The following PDE9A variants were observed in gnomAD, a reference collection of about 807,000 sequenced individuals.
PDE9A encodes the protein phosphodiesterase 9A, also known as high affinity cGMP-specific 3',5'-cyclic phosphodiesterase 9A.
In PDE9A, 60 loss-of-function variants were observed where a neutral mutation model predicts 87.4. The observed-to-expected ratio is 0.69, with a 90% CI of 0.56 to 0.85. The LOEUF is 0.85. Among genes scored for constraint, PDE9A ranks in the 40% least tolerant of loss-of-function variants. PDE9A has a pLI of 0.00. For missense variants in PDE9A, 665 were observed against 779.0 expected (o/e 0.85, Z 1.74); for synonymous variants, 272 against 279.4 (o/e 0.97, Z 0.27).
At position 42,702,734 on chromosome 21, in the gene PDE9A, T is replaced by G. The variant is rs1445747419; in HGVS notation, c.262+3723T>G. Reference sequence around the variant, plus strand: ...CTCAGTCCTACTAAGACTTGATCCCTTTGGGGTCTCCCCCAAACTCCTGGC... The same window carrying G: ...CTCAGTCCTACTAAGACTTGATCCCGTTGGGGTCTCCCCCAAACTCCTGGC... On this transcript the variant is annotated intron_variant, in intron 4 of 19. Coordinates refer to ENST00000291539, the MANE Select transcript of PDE9A (RefSeq NM_002606.3). This position sits in a 1 kb window ranked among gnomAD's most constrained non-coding sequence, Gnocchi z 4.9. 6.6e-6 allele frequency among the ~76,000 whole-genome samples: 1 copy of G among 152,244 alleles called. No homozygotes were observed. Among genetic ancestry groups the G allele is most frequent in the African/African-American group, 2.4e-5 (1 of 41,468 alleles).
At chr21:42,666,965 G>A (rs562905995) in intron 1 of PDE9A, among the ~76,000 whole-genome samples, 4 of 152,274 alleles carry the variant, frequency 2.6e-5, no homozygotes, top group African/African-American at 7.2e-5. Flanking sequence ...AAGGTCCCGC[G>A]CCTGGTGACC....
intron 4 of PDE9A, among the ~76,000 whole-genome samples, chr21:42,724,992 C>T (rs1327337227): frequency 6.6e-6 from 1 of 152,200 alleles, no homozygotes; most frequent in Non-Finnish European, 1.5e-5. Context: ...TAGGTTCACA[C>T]GCTGCTGTAA....
intron 13 of PDE9A, 126 bp from the exon 14 acceptor site, chr21:42,761,957 C>T: frequency 2.1e-6 from 2 of 932,802 alleles, no homozygotes; most frequent in Non-Finnish European, 3.2e-6. Context: ...ACAGGCAGCT[C>T]CCCCAGCCCC....
chr21:42,669,688 G>A (rs2058274853), intron 1 of PDE9A, among the ~76,000 whole-genome samples: 1 of 152,194 alleles, frequency 6.6e-6, no homozygotes, highest in Non-Finnish European at 1.5e-5. Context: ...TCGGGCCTCA[G>A]TTTCAACATC....
At chr21:42,693,436 CT>C (rs2059973277) in intron 3 of PDE9A, among the ~76,000 whole-genome samples, 1 of 147,972 alleles carries the variant, frequency 6.8e-6, no homozygotes, top group Admixed American at 6.8e-5. Flanking sequence ...GTAGCTGGGA[CT>C]ACAGGCGCCC....
chr21:42,706,444 A>C (rs1335758503), intron 4 of PDE9A, among the ~76,000 whole-genome samples: 1 of 152,194 alleles, frequency 6.6e-6, no homozygotes, highest in African/African-American at 2.4e-5. Context: ...CAGGAGTTTG[A>C]GACCAGACTG....
intron 14 of PDE9A, among the ~76,000 whole-genome samples, chr21:42,763,848 T>G (rs1354341061): frequency 6.6e-6 from 1 of 152,178 alleles, no homozygotes; most frequent in East Asian, 1.9e-4. Context: ...GCTTTCCAAT[T>G]TGTCTACGCT....
rs752653149 is a variant in PDE9A at position 42,731,815 on chromosome 21, A to G, written c.308A>G (p.Glu103Gly). 6.2e-6 allele frequency: 10 copies of G among 1,614,226 alleles called. No homozygotes were observed. The highest frequency in any genetic ancestry group is 1.7e-6 in the Non-Finnish European group (2 of 1,180,040). ...ACCACAAGCCGTGGCCAGTCTGCTG[A>G]GAGACCACTGAGGGACAGACGGGTT... ...KRTTSRGQSA[E>G]RPLRDRRVVG... The change falls in exon 5 of 20, where the codon GAG becomes GGG. Residue 103 changes from glutamate to glycine, a missense_variant. Transcript: ENST00000291539.
Position 42,696,535 on chromosome 21 carries a change from C to T in PDE9A, c.219-2433C>T, listed in dbSNP as rs1348650863. Among the ~76,000 whole-genome samples the T allele has an allele frequency of 1.3e-5, 2 of 152,050 alleles. No individual in the cohort carries two copies. Among genetic ancestry groups the T allele is most frequent in the Admixed American group, 6.5e-5 (1 of 15,278 alleles). On this transcript the variant is annotated intron_variant, in intron 3 of 19. Transcript: ENST00000291539. This position sits in a 1 kb window ranked among gnomAD's most constrained non-coding sequence, Gnocchi z 5.1. ...CCCACGCAGGTCCTGGCTTTCTCTC[C>T]ACCCACTGCACCATTTCCAGGGCTG...
At chr21:42,751,646 A>C (rs1448746777) in intron 9 of PDE9A, among the ~76,000 whole-genome samples, 1 of 152,026 alleles carries the variant, frequency 6.6e-6, no homozygotes, top group Non-Finnish European at 1.5e-5. Flanking sequence ...TGAAGTAGCA[A>C]TGGCATTTTT....
intron 4 of PDE9A, among the ~76,000 whole-genome samples, chr21:42,729,233 C>T (rs879695874): frequency 1.3e-5 from 2 of 152,134 alleles, no homozygotes; most frequent in Non-Finnish European, 2.9e-5. Context: ...TCATGCTTCT[C>T]TAGGAGTTGG....
At chr21:42,721,777 A>G (rs7277424) in intron 4 of PDE9A, among the ~76,000 whole-genome samples, 97,055 of 151,668 alleles carry the variant, frequency 0.64, 31,591 homozygotes, top group East Asian at 0.94. Flanking sequence ...CCCTTCCTCC[A>G]AAGAGCCTTG....
Position 42,768,463 on chromosome 21 carries a change from A to G in PDE9A, c.1461+171A>G, listed in dbSNP as rs953108159. The G allele has an allele frequency of 5.3e-5, 60 of 1,132,306 alleles. No individual in the cohort carries two copies. The Admixed American group carries it at 1.0e-3, about 20-fold the overall frequency. The allele number at this position is 1,132,306 out of a possible 1,614,324, so 70.1% of individuals were successfully genotyped here. ...GCGTACATCAGAAACAAAATAGGTT[A>G]TAATTTGAGACCTGAAAGACAGTAA... On this transcript the variant is annotated intron_variant, in intron 16 of 19. Coordinates refer to ENST00000291539, the MANE Select transcript of PDE9A (RefSeq NM_002606.3).
chr21:42,775,302 G>C lies in PDE9A; in HGVS notation c.*9G>C, dbSNP rs924589616. The C allele has an allele frequency of 4.3e-6, 7 of 1,610,304 alleles. No homozygotes were observed. In the African/African-American group the frequency reaches 9.4e-5, roughly 22 times the overall value. Reference sequence around the variant, plus strand: ...CAGGAGACTGTGCCTGAGGAAAGCGGGGGGCGTGGCTGCAGTTCTGGACGG... The same window carrying C: ...CAGGAGACTGTGCCTGAGGAAAGCGCGGGGCGTGGCTGCAGTTCTGGACGG... On this transcript the variant is annotated 3_prime_UTR_variant, in exon 20 of 20. Transcript: ENST00000291539.
At chr21:42,766,842 C>A (rs547655106) in intron 15 of PDE9A, among the ~76,000 whole-genome samples, 1 of 152,206 alleles carries the variant, frequency 6.6e-6, no homozygotes, top group African/African-American at 2.4e-5. Flanking sequence ...CAGGCCCCGC[C>A]GATGCCTTCC....
intron 17 of PDE9A, 101 bp downstream of exon 17, chr21:42,769,256 GAC>G (rs779900153): frequency 1.5e-4 from 167 of 1,119,432 alleles, no homozygotes; most frequent in Non-Finnish European, 1.9e-4. Context: ...GGTACACACA[GAC>G]ACACACTCAT....
rs936213300 is a variant in PDE9A at position 42,660,807 on chromosome 21, A to C, written c.69+6924A>C. Among the ~76,000 whole-genome samples, 5 of 151,970 alleles carry C rather than the reference A, an allele frequency of 3.3e-5. No homozygotes were observed. Among genetic ancestry groups the C allele is most frequent in the African/African-American group, 1.2e-4 (5 of 41,374 alleles). ...GGTGGCTCCCAACATTTTCAAGCTC[A>C]AAAAGAAATATTTTCACTTGAGGGT... On this transcript the variant is annotated intron_variant, in intron 1 of 19. Coordinates refer to ENST00000291539, the MANE Select transcript of PDE9A (RefSeq NM_002606.3). This position sits in a 1 kb window ranked among gnomAD's most constrained non-coding sequence, Gnocchi z 4.7.
intron 1 of PDE9A, among the ~76,000 whole-genome samples, chr21:42,668,876 G>T (rs1306085239): frequency 6.9e-6 from 1 of 143,894 alleles, no homozygotes; most frequent in Non-Finnish European, 1.5e-5. Flanking sequence ...ATTCCCCACG[G>T]ATTATCAGAG....
At chr21:42,755,393 C>T (rs1024256005) in intron 10 of PDE9A, among the ~76,000 whole-genome samples, 10 of 152,336 alleles carry the variant, frequency 6.6e-5, no homozygotes, top group African/African-American at 2.4e-4. Flanking sequence ...CTCCAGCCTC[C>T]ACTCCCCAGC....
Sources: allele counts gnomAD v4.1 joint callset (sites outside exome capture counted in the v4.1 genomes callset), GRCh38; gene constraint gnomAD v4.1.1; non-coding constraint Gnocchi (gnomAD v3.1); transcripts MANE v1.5; gene names NCBI Gene and HGNC (gene_info 2026-07-23, HGNC 2026-07-21).